ZC3H12C: variants seen among roughly 807,000 people sequenced by gnomAD.
ZC3H12C encodes the protein zinc finger CCCH-type containing 12C, also known as probable ribonuclease ZC3H12C.
ZC3H12C carries 20 observed loss-of-function variants against 76.3 expected under a neutral mutation model. The ratio of observed to expected loss-of-function variants is 0.26; its 90% CI spans 0.18 to 0.38. ZC3H12C has a LOEUF of 0.38. Among genes scored for constraint, ZC3H12C ranks in the 10% least tolerant of loss-of-function variants. The pLI, the probability that ZC3H12C is intolerant of heterozygous loss-of-function variation, is 1.00. For missense variants in ZC3H12C, 874 were observed against 1,086.5 expected, an observed-to-expected ratio of 0.80 and a Z score of 2.75; for synonymous variants, 352 against 399.6, an observed-to-expected ratio of 0.88 and a Z score of 1.42.
intron 4 of ZC3H12C, among the ~76,000 whole-genome samples, chr11:110,159,973 C>T (rs1365119480): frequency 6.6e-6 from 1 of 152,378 alleles, no homozygotes; most frequent in East Asian, 1.9e-4. Context: ...GCCTACTACA[C>T]GCCTAGGCGA....
Position 110,153,021 on chromosome 11 carries a change from G to T in ZC3H12C, c.876G>T (p.Trp292Cys). Residue 292 changes from tryptophan to cysteine, a missense_variant, in exon 3 of 6, where the codon TGG becomes TGT. By Grantham distance (215) the Trp-to-Cys change is radical. Around this residue, in one of 3 missense-constraint regions of ZC3H12C, gnomAD observed 269 missense variants for 424.9 expected, o/e 0.63. Coordinates refer to ENST00000278590, the MANE Select transcript of ZC3H12C (RefSeq NM_033390.2). ...ACATTACAGTTTTTGTTCCTGCTTG[G>T]AGGAAAGAGCAATCCCGACCTGATG... Reference protein sequence around the residue: ...HKDITVFVPAWRKEQSRPDAL... With the variant: ...HKDITVFVPACRKEQSRPDAL... 6.2e-7 allele frequency: 1 copy of T among 1,611,938 alleles called. No homozygotes were observed. The highest frequency in any genetic ancestry group is 8.5e-7 in the Non-Finnish European group (1 of 1,179,020).
At chr11:110,162,555 A>G (rs1862499383) in intron 4 of ZC3H12C, among the ~76,000 whole-genome samples, 2 of 152,228 alleles carry the variant, frequency 1.3e-5, no homozygotes, top group East Asian at 1.9e-4. Flanking sequence ...CATGCCATAA[A>G]TTCTTCTCTT....
intron 1 of ZC3H12C, among the ~76,000 whole-genome samples, chr11:110,133,143 TG>T (rs1459637086): frequency 6.6e-6 from 1 of 152,186 alleles, no homozygotes; most frequent in Non-Finnish European, 1.5e-5. Context: ...AATTCTGGGT[TG>T]TTTTTAGGTG....
At chr11:110,105,010 T>C (rs1173318920) in intron 1 of ZC3H12C, among the ~76,000 whole-genome samples, 1 of 152,208 alleles carries the variant, frequency 6.6e-6, no homozygotes, top group Admixed American at 6.5e-5. Context: ...TTATGTCTTA[T>C]AGGGTAAAGC....
intron 1 of ZC3H12C, among the ~76,000 whole-genome samples, chr11:110,111,288 A>G (rs1861422523): frequency 6.6e-6 from 1 of 152,206 alleles, no homozygotes; most frequent in African/African-American, 2.4e-5. Context: ...GTATACACCT[A>G]ATGTGAGCAG....
intron 2 of ZC3H12C, among the ~76,000 whole-genome samples, chr11:110,144,391 T>G (rs1862124322): frequency 2.0e-5 from 3 of 152,214 alleles, no homozygotes; most frequent in African/African-American, 4.8e-5. Flanking sequence ...GAGGTTATTT[T>G]CATTTTAAAG....
chr11:110,138,860 G>A (rs1051739686), intron 2 of ZC3H12C, among the ~76,000 whole-genome samples: 1 of 152,100 alleles, frequency 6.6e-6, no homozygotes, highest in African/African-American at 2.4e-5. Context: ...CTCCTGGCCT[G>A]CATTATTCTT....
At position 110,137,357 on chromosome 11, in the gene ZC3H12C, C is replaced by T. The variant is rs1442292575; in HGVS notation, c.716C>T (p.Thr239Ile). The T allele has an allele frequency of 6.2e-7, 1 of 1,613,344 alleles. No individual in the cohort carries two copies. The highest frequency in any genetic ancestry group is 1.3e-5 in the African/African-American group (1 of 74,894). The change falls in exon 2 of 6, where the codon ACA becomes ATA. Residue 239 changes from threonine to isoleucine, a missense_variant. Thr to Ile is a moderately conservative substitution (Grantham distance 89, BLOSUM62 -1). Transcript: ENST00000278590. Reference sequence around the variant, plus strand: ...GAATCTCCAATGCAAGAGATTGTAACAGATGATGGTGAAAATCTGAGACCA... The same window carrying T: ...GAATCTCCAATGCAAGAGATTGTAATAGATGATGGTGAAAATCTGAGACCA... The part of the protein sequence containing the change: ...RSESPMQEIV[T>I]DDGENLRPIV...
At chr11:110,097,930 A>G (rs1352454875) in intron 1 of ZC3H12C, among the ~76,000 whole-genome samples, 2 of 152,198 alleles carry the variant, frequency 1.3e-5, no homozygotes, top group African/African-American at 2.4e-5. Flanking sequence ...TGCTGATGGT[A>G]GAAGGATAAT....
At chr11:110,109,085 A>G (rs1413648066) in intron 1 of ZC3H12C, among the ~76,000 whole-genome samples, 3 of 152,276 alleles carry the variant, frequency 2.0e-5, no homozygotes, top group African/African-American at 7.2e-5. Context: ...TAATCTATTC[A>G]TATATTTGGT....
chr11:110,100,667 TG>T (rs1337880701), intron 1 of ZC3H12C, among the ~76,000 whole-genome samples: 2 of 152,170 alleles, frequency 1.3e-5, no homozygotes, highest in South Asian at 4.2e-4. Flanking sequence ...ACTGTAATTT[TG>T]GGGGGGTGCC....
intron 1 of ZC3H12C, among the ~76,000 whole-genome samples, chr11:110,135,505 A>AAC: frequency 6.6e-6 from 1 of 151,338 alleles, no homozygotes; most frequent in East Asian, 1.9e-4. Flanking sequence ...AAAAAAAAAA[A>AAC]AAAAAAGTAA....
chr11:110,100,212 C>CT (rs10656341), intron 1 of ZC3H12C, among the ~76,000 whole-genome samples: 40,688 of 133,806 alleles, frequency 0.3, 6,713 homozygotes, highest in South Asian at 0.44. Flanking sequence ...CTATATGGTA[C>CT]TTTTTTTTTT....
intron 1 of ZC3H12C, among the ~76,000 whole-genome samples, chr11:110,124,598 T>A (rs1861707148): frequency 6.6e-6 from 1 of 152,186 alleles, no homozygotes; most frequent in African/African-American, 2.4e-5. Context: ...AAAAAATAAG[T>A]CTTGAGCTGG....
intron 2 of ZC3H12C, among the ~76,000 whole-genome samples, chr11:110,149,246 G>A (rs1862224112): frequency 6.6e-6 from 1 of 152,182 alleles, no homozygotes; most frequent in South Asian, 2.1e-4. Context: ...GAAAGTCCTG[G>A]TAACTCGGGG....
intron 1 of ZC3H12C, among the ~76,000 whole-genome samples, chr11:110,097,013 A>G (rs571634462): frequency 3.3e-5 from 5 of 152,342 alleles, no homozygotes; most frequent in African/African-American, 1.2e-4. Flanking sequence ...CTTTTCTCAG[A>G]CTATAGAAAT....
rs1862531596 is a variant in ZC3H12C at position 110,164,135 on chromosome 11, C to T, written c.1256-206C>T. On this transcript the variant is annotated intron_variant, in intron 5 of 5. Coordinates refer to ENST00000278590, the MANE Select transcript of ZC3H12C (RefSeq NM_033390.2). This position sits in a 1 kb window ranked among gnomAD's most constrained non-coding sequence, Gnocchi z 5.7. ...AAAAGTTCTGGAGGTGATTATTACT[C>T]ATTCGGCCAACTTCCTCCTGTTCTT... Among the ~76,000 whole-genome samples, 2 of 151,314 alleles carry T rather than the reference C, an allele frequency of 1.3e-5. No individual in the cohort carries two copies. Among genetic ancestry groups the T allele is most frequent in the African/African-American group, 4.9e-5 (2 of 41,168 alleles).
intron 1 of ZC3H12C, among the ~76,000 whole-genome samples, chr11:110,095,968 AATATTGAG>A (rs1466232597): frequency 1.3e-5 from 2 of 152,244 alleles, no homozygotes; most frequent in Non-Finnish European, 2.9e-5. Context: ...TTAAGCCTAA[AATATTGAG>A]ATTCCGGAGT....
Position 110,138,156 on chromosome 11 carries a change from G to C in ZC3H12C, c.773+742G>C, listed in dbSNP as rs985936349. ...GAAATTTTTTTGTGTGATTTTGATG[G>C]CTCAATATTTAAAGCACATCTAAAT... On this transcript the variant is annotated intron_variant, in intron 2 of 5. Transcript: ENST00000278590. Among the ~76,000 whole-genome samples, 12 of 151,934 alleles carry C rather than the reference G, an allele frequency of 7.9e-5. No individual in the cohort carries two copies. In the South Asian group the frequency reaches 2.5e-3, roughly 32 times the overall value.
Sources: gnomAD v4.1 joint callset for allele counts (sites outside exome capture counted in the v4.1 genomes callset) on GRCh38, gnomAD v4.1.1 for gene constraint, gnomAD v4.1.1 regional missense constraint, Gnocchi (gnomAD v3.1) non-coding constraint, MANE v1.5 for transcripts, NCBI Gene and HGNC (gene_info 2026-07-23, HGNC 2026-07-21) for gene names.